CFI: variants seen among roughly 807,000 people sequenced by gnomAD.
CFI encodes complement factor I.
In CFI, 66 loss-of-function variants were observed where a neutral mutation model predicts 78.8. That is an observed-to-expected ratio of 0.84 (90% CI 0.69 to 1.03). The LOEUF (loss-of-function observed/expected upper bound fraction) is 1.03. CFI is among the 50% of genes least tolerant of loss of function. The pLI, the probability that CFI is intolerant of heterozygous loss-of-function variation, is 0.00. For synonymous variants in CFI, 250 were observed against 232.6 expected (o/e 1.07, Z -0.68); for missense variants, 706 against 704.5 (o/e 1.00, Z -0.02).
chr4:109,734,176 A>C, the CFI span, among the ~76,000 whole-genome samples: 1 of 152,148 alleles, frequency 6.6e-6, no homozygotes, highest in Non-Finnish European at 1.5e-5. Context: ...GTCTTAAATA[A>C]ATGAATAAAT....
intron 3 of CFI, chr4:109,764,238 A>G (rs919795025): frequency 4.6e-6 from 2 of 434,902 alleles, no homozygotes; most frequent in Non-Finnish European, 8.5e-6. Context: ...GAAAAAGTGT[A>G]CATAATTGTA....
chr4:109,783,812 GATATATATATAT>G lies in CFI; in HGVS notation c.58-17000_58-16989del, dbSNP rs34128338. 5.8e-4 allele frequency among the ~76,000 whole-genome samples: 66 copies of G among 113,038 alleles called. 1 individual carries two copies. Among genetic ancestry groups the G allele is most frequent in the Non-Finnish European group, 8.0e-4 (42 of 52,632 alleles). The allele number at this position is 113,038 out of a possible 152,430, so 74.2% of individuals were successfully genotyped here. A position where few individuals can be genotyped will look rare whatever the true frequency, so the allele number is the denominator to read the frequency against. ...TTCAATGAGTGGATAAAGAAACTGT[GATATATATATAT>G]ATATATATATGATGGAATACTACTC... On this transcript the variant is annotated intron_variant, in intron 1 of 12. Transcript: ENST00000394634.
At chr4:109,764,257 G>A in intron 3 of CFI, 2 of 483,920 alleles carry the variant, frequency 4.1e-6, no homozygotes, top group South Asian at 2.1e-5. Context: ...TAGACGAGTA[G>A]GAGACAGACA....
chr4:109,788,504 T>C (rs1342003038), intron 1 of CFI, among the ~76,000 whole-genome samples: 1 of 152,112 alleles, frequency 6.6e-6, no homozygotes, highest in African/African-American at 2.4e-5. Context: ...ATCCTAACCA[T>C]ATCTTTCAGT....
At chr4:109,800,783 A>ATG (rs201527532) in intron 1 of CFI, among the ~76,000 whole-genome samples, 3 of 147,854 alleles carry the variant, frequency 2.0e-5, no homozygotes, top group African/African-American at 4.9e-5. Context: ...ACACATACAT[A>ATG]TGTGTGTGTG....
At chr4:109,736,932 C>G (rs781214007), downstream of CFI, among the ~76,000 whole-genome samples, 1 of 152,118 alleles carries the variant, frequency 6.6e-6, no homozygotes, top group Non-Finnish European at 1.5e-5. Flanking sequence ...GTGGCAACAC[C>G]AATCACCTCA....
rs771843188 is a variant in CFI at position 109,761,575 on chromosome 4, C to T, written c.600G>A (p.Lys200=). ...ETSLAECTFT[K]RRTMGYQDFA... ...AATCCTGGTAACCCATAGTTCTTCT[C>T]TTAGTAAAAGTACATTCAGCCAAAC... is the stretch of plus-strand genomic sequence containing the variant. The change falls in exon 4 of 13, where the codon AAG becomes AAA. Residue 200 remains lysine, a synonymous_variant. Coordinates refer to ENST00000394634, the MANE Select transcript of CFI (RefSeq NM_000204.5). 6.2e-7 allele frequency: 1 copy of T among 1,614,008 alleles called. No individual in the cohort carries two copies. Among genetic ancestry groups the T allele is most frequent in the Non-Finnish European group, 8.5e-7 (1 of 1,180,010 alleles).
At chr4:109,748,414 G>A (rs1013976553) in intron 10 of CFI, among the ~76,000 whole-genome samples, 2 of 152,140 alleles carry the variant, frequency 1.3e-5, no homozygotes, top group Non-Finnish European at 2.9e-5. Flanking sequence ...TCATCACACT[G>A]ATGAAAATAA....
intron 3 of CFI, 58 bp from the exon 4 acceptor site, chr4:109,761,750 C>A: frequency 7.2e-7 from 1 of 1,394,530 alleles, no homozygotes; most frequent in Non-Finnish European, 1.0e-6. Flanking sequence ...GCATTTATAA[C>A]CCTACTGTAG....
At chr4:109,788,451 C>T (rs140636736) in intron 1 of CFI, among the ~76,000 whole-genome samples, 50 of 152,036 alleles carry the variant, frequency 3.3e-4, no homozygotes, top group African/African-American at 1.0e-3. Context: ...GAGCATCTTC[C>T]GTATGCTCAA....
At chr4:109,742,444 G>A in intron 12 of CFI, 47 bp downstream of exon 12, 1 of 1,216,484 alleles carries the variant, frequency 8.2e-7, no homozygotes, top group Non-Finnish European at 1.2e-6. Context: ...GTTTGATAGG[G>A]GAAATACATA....
chr4:109,773,220 C>A (rs1029598964), intron 1 of CFI, among the ~76,000 whole-genome samples: 1 of 152,162 alleles, frequency 6.6e-6, no homozygotes, highest in African/African-American at 2.4e-5. Flanking sequence ...CCACAGTAGG[C>A]TTTGCATGAA....
At chr4:109,745,910 A>G (rs1724352007) in intron 11 of CFI, among the ~76,000 whole-genome samples, 1 of 152,174 alleles carries the variant, frequency 6.6e-6, no homozygotes, top group South Asian at 2.1e-4. Flanking sequence ...GAAAGCCTAG[A>G]TAAGGACTGG....
chr4:109,761,182 T>C (rs1212153495), intron 4 of CFI, among the ~76,000 whole-genome samples: 2 of 152,210 alleles, frequency 1.3e-5, no homozygotes, highest in East Asian at 1.9e-4. Context: ...AATTCATATA[T>C]GCTGGCCCTC....
intron 1 of CFI, among the ~76,000 whole-genome samples, chr4:109,778,078 G>A (rs1340762966): frequency 1.3e-5 from 2 of 152,074 alleles, no homozygotes; most frequent in Non-Finnish European, 2.9e-5. Flanking sequence ...AAGAACTAGA[G>A]AAGCAAGAGC....
chr4:109,755,152 G>A (rs1725970030), intron 7 of CFI, among the ~76,000 whole-genome samples: 1 of 152,176 alleles, frequency 6.6e-6, no homozygotes, highest in East Asian at 1.9e-4. Context: ...CAGAGAAAAG[G>A]AAGATGAAAC....
At chr4:109,739,880 T>C (rs528978084), downstream of CFI, among the ~76,000 whole-genome samples, 5 of 152,206 alleles carry the variant, frequency 3.3e-5, no homozygotes, top group South Asian at 8.3e-4. Flanking sequence ...GACTGTGAGG[T>C]CTGACACCAT....
rs546885255 is a variant in CFI at position 109,749,393 on chromosome 4, T to C, written c.1045-72A>G. Reference sequence around the variant, plus strand: ...TACAAACAGCCCTAAGATATTTCCATGGCAAGACTCCCAGTCTCTTATAAT... The same window carrying C: ...TACAAACAGCCCTAAGATATTTCCACGGCAAGACTCCCAGTCTCTTATAAT... On this transcript the variant is annotated intron_variant, in intron 9 of 12. Transcript: ENST00000394634. 15 of 1,502,644 alleles carry C rather than the reference T, an allele frequency of 1.0e-5. No individual in the cohort carries two copies. In the African/African-American group the frequency reaches 1.9e-4, roughly 19 times the overall value. 93.1% of individuals were successfully genotyped at this position (1,502,644 alleles called of 1,614,324 possible). A position where few individuals can be genotyped will look rare whatever the true frequency, so the allele number is the denominator to read the frequency against.
At chr4:109,744,430 G>A (rs902394945) in intron 11 of CFI, among the ~76,000 whole-genome samples, 17 of 152,164 alleles carry the variant, frequency 1.1e-4, no homozygotes, top group Non-Finnish European at 2.1e-4. Flanking sequence ...CCTGCCCTAA[G>A]AGCCTGACCT....
Sources: allele counts gnomAD v4.1 joint callset (sites outside exome capture counted in the v4.1 genomes callset), GRCh38; gene constraint gnomAD v4.1.1; transcripts MANE v1.5; gene names NCBI Gene and HGNC (gene_info 2026-07-23, HGNC 2026-07-21).